Variants in SNTG1 observed in about 807,000 individuals in gnomAD.
SNTG1 encodes syntrophin gamma 1.
A neutral mutation model predicts 74.7 loss-of-function variants in SNTG1; 39 were observed. That is an observed-to-expected ratio of 0.52 (90% CI 0.40 to 0.68). SNTG1 has a LOEUF of 0.68. Ranked by LOEUF, SNTG1 falls within the 30% of genes least tolerant of loss-of-function variation. The pLI is 0.00. For synonymous variants in SNTG1, 254 were observed against 217.1 expected, an observed-to-expected ratio of 1.17 and a Z score of -1.49; for missense variants, 685 against 609.5, an observed-to-expected ratio of 1.12 and a Z score of -1.30.
rs528348005 is a variant in SNTG1 at position 50,057,458 on chromosome 8, C to T, written c.-102-115103C>T. On this transcript the variant is annotated intron_variant, in intron 1 of 18. Transcript: ENST00000642720. ...CATCTTTCTAACTTTATTTGAAATG[C>T]CACAGTGGAGCAGAAAGTGTGTAGG... is the stretch of plus-strand genomic sequence containing the variant. Among the ~76,000 whole-genome samples the T allele has an allele frequency of 1.8e-4, 27 of 151,926 alleles. No individual in the cohort carries two copies. In the South Asian group the frequency reaches 5.4e-3, roughly 30 times the overall value.
rs908782175 is a variant in SNTG1 at position 50,793,659 on chromosome 8, G to A, written c.*830G>A. ...TAATAAGATTTATTATCAAATTAAA[G>A]TTTCATAAATTTTCAGTGAACCCAA... is the stretch of plus-strand genomic sequence containing the variant. On this transcript the variant is annotated 3_prime_UTR_variant, in exon 19 of 19. Coordinates refer to ENST00000642720, the MANE Select transcript of SNTG1 (RefSeq NM_018967.5). 1.3e-5 allele frequency: 2 copies of A among 151,766 alleles called. No homozygotes were observed. The highest frequency in any genetic ancestry group is 2.4e-5 in the African/African-American group (1 of 41,376). The allele number at this position is 151,766 out of a possible 1,614,324, so 9.4% of individuals were successfully genotyped here.
intron 1 of SNTG1, among the ~76,000 whole-genome samples, chr8:50,071,061 A>G (rs1227765613): frequency 6.6e-6 from 1 of 152,214 alleles, no homozygotes; most frequent in African/African-American, 2.4e-5. Context: ...ACCCATAAGC[A>G]GGTACAATCT....
intron 4 of SNTG1, among the ~76,000 whole-genome samples, chr8:50,414,590 G>A (rs1420475859): frequency 2.6e-5 from 4 of 151,948 alleles, no homozygotes; most frequent in African/African-American, 9.7e-5. Flanking sequence ...TGACAACCGA[G>A]ACATTTTTCT....
intron 2 of SNTG1, among the ~76,000 whole-genome samples, chr8:50,336,955 A>T (rs1253214322): frequency 6.6e-6 from 1 of 152,158 alleles, no homozygotes; most frequent in Non-Finnish European, 1.5e-5. Context: ...AAAGAAAATA[A>T]CTTTTTATTT....
intron 10 of SNTG1, among the ~76,000 whole-genome samples, chr8:50,533,661 G>C (rs1441377140): frequency 6.6e-6 from 1 of 152,156 alleles, no homozygotes; most frequent in Admixed American, 6.5e-5. Flanking sequence ...GATAGCTTGT[G>C]TTCCACTGTA....
At chr8:50,285,422 T>G (rs12676022) in intron 2 of SNTG1, among the ~76,000 whole-genome samples, 24 of 151,954 alleles carry the variant, frequency 1.6e-4, no homozygotes, top group Admixed American at 3.3e-4. Context: ...CTCCAGCCTG[T>G]GAGACAGAGT....
intron 13 of SNTG1, among the ~76,000 whole-genome samples, chr8:50,633,003 A>C (rs577920513): frequency 6.6e-6 from 1 of 152,322 alleles, no homozygotes; most frequent in South Asian, 2.1e-4. Flanking sequence ...TGCGGCTGAA[A>C]TGCTGATGGA....
At chr8:50,146,379 G>A (rs904016347) in intron 1 of SNTG1, among the ~76,000 whole-genome samples, 39 of 152,196 alleles carry the variant, frequency 2.6e-4, no homozygotes, top group East Asian at 3.9e-4. Context: ...TTAGCCAGGC[G>A]TGGTGGCGCA....
rs1420827885 is a variant in SNTG1, at chr8:50,476,846, T to TGACACACACA, written c.364-25921_364-25912dup. Among the ~76,000 whole-genome samples, 9 of 37,372 alleles carry TGACACACACA rather than the reference T, an allele frequency of 2.4e-4. No individual in the cohort carries two copies. In the Admixed American group the frequency reaches 2.7e-3, roughly 11 times the overall value. 24.5% of individuals were successfully genotyped at this position (37,372 alleles called of 152,430 possible). ...GCAGGACATACACAAAATGAGCCTGTGACACACACAGACACACACACACAC... is the reference window on the plus strand; with the variant it reads ...GCAGGACATACACAAAATGAGCCTGTGACACACACAGACACACACAGACACACACACACAC... On this transcript the variant is annotated intron_variant, in intron 8 of 18. Transcript: ENST00000642720.
At chr8:50,779,272 G>T (rs1038474258) in intron 18 of SNTG1, among the ~76,000 whole-genome samples, 5 of 152,138 alleles carry the variant, frequency 3.3e-5, no homozygotes, top group African/African-American at 1.2e-4. Flanking sequence ...GGATGGCATT[G>T]AATCTATAAA....
intron 1 of SNTG1, among the ~76,000 whole-genome samples, chr8:50,040,082 A>C (rs1356006012): frequency 6.6e-6 from 1 of 152,090 alleles, no homozygotes; most frequent in African/African-American, 2.4e-5. Flanking sequence ...GCAATTTATA[A>C]AACAGAGAAG....
At chr8:50,444,106 CCAGCCTGGGTGACA>C (rs2093383581) in intron 5 of SNTG1, among the ~76,000 whole-genome samples, 1 of 152,018 alleles carries the variant, frequency 6.6e-6, no homozygotes. Context: ...CCTCTGCATT[CCAGCCTGGGTGACA>C]CAGTGAGTCT....
intron 1 of SNTG1, among the ~76,000 whole-genome samples, chr8:49,951,044 G>A (rs1311645602): frequency 2.0e-5 from 3 of 152,150 alleles, no homozygotes; most frequent in Non-Finnish European, 4.4e-5. Flanking sequence ...CAATCTTAGG[G>A]TTGGCAGAGA....
chr8:49,935,543 A>G (rs1426294333), intron 1 of SNTG1, among the ~76,000 whole-genome samples: 3 of 151,698 alleles, frequency 2.0e-5, no homozygotes, highest in Non-Finnish European at 4.4e-5. Context: ...AAAAAAAGAA[A>G]AAGAAAAAAA....
intron 17 of SNTG1, among the ~76,000 whole-genome samples, chr8:50,732,890 T>A (rs990731902): frequency 1.3e-5 from 2 of 152,026 alleles, no homozygotes; most frequent in Admixed American, 1.3e-4. Context: ...GTTTTTCCTT[T>A]TTTAAAAAAT....
At chr8:50,501,614 T>A (rs529382116) in intron 8 of SNTG1, among the ~76,000 whole-genome samples, 309 of 145,368 alleles carry the variant, frequency 2.1e-3, no homozygotes, top group Middle Eastern at 3.4e-3. Flanking sequence ...TTTTTTTATT[T>A]TTTTTTTTTT....
intron 8 of SNTG1, among the ~76,000 whole-genome samples, chr8:50,453,642 A>T (rs1303463541): frequency 6.6e-6 from 1 of 152,248 alleles, no homozygotes; most frequent in Non-Finnish European, 1.5e-5. Flanking sequence ...AATAAATGTT[A>T]TGGGAATGAA....
chr8:50,597,415 A>G (rs1376351188), intron 13 of SNTG1, among the ~76,000 whole-genome samples: 4 of 149,424 alleles, frequency 2.7e-5, no homozygotes, highest in African/African-American at 7.3e-5. Flanking sequence ...ACATATATAC[A>G]TATATACATA....
chr8:49,927,069 A>G (rs1472747695), intron 1 of SNTG1, among the ~76,000 whole-genome samples: 1 of 152,196 alleles, frequency 6.6e-6, no homozygotes, highest in Non-Finnish European at 1.5e-5. Context: ...AAAATTAGAA[A>G]ATTAGAATGG....
Sources: gnomAD v4.1 joint callset for allele counts (sites outside exome capture counted in the v4.1 genomes callset) on GRCh38, gnomAD v4.1.1 for gene constraint, MANE v1.5 for transcripts, NCBI Gene and HGNC (gene_info 2026-07-23, HGNC 2026-07-21) for gene names.